The following SPON1 variants were observed in gnomAD, a reference collection of about 807,000 sequenced individuals.
The protein encoded by SPON1 is spondin-1.
A neutral mutation model predicts 111.7 loss-of-function variants in SPON1; 52 were observed. That is an observed-to-expected ratio of 0.47 (90% CI 0.37 to 0.59). SPON1 has a LOEUF of 0.59. SPON1 is among the 20% of genes least tolerant of loss of function. SPON1 has a pLI of 0.00. For missense variants in SPON1, 957 were observed against 1,068.5 expected (o/e 0.90, Z 1.46); for synonymous variants, 410 against 395.8 (o/e 1.04, Z -0.43).
At chr11:14,048,039 A>T (rs1848682291) in intron 3 of SPON1, among the ~76,000 whole-genome samples, 1 of 152,208 alleles carries the variant, frequency 6.6e-6, no homozygotes, top group Admixed American at 6.5e-5. Context: ...CAGGAGTTTG[A>T]GACCAGCCTG....
At chr11:13,967,059 G>C (rs1445316553) in intron 1 of SPON1, among the ~76,000 whole-genome samples, 1 of 152,196 alleles carries the variant, frequency 6.6e-6, no homozygotes, top group African/African-American at 2.4e-5. Context: ...GGAAGTTTCT[G>C]ATCGTTACTG....
chr11:14,108,481 G>A (rs569415482), intron 5 of SPON1, among the ~76,000 whole-genome samples: 2 of 152,268 alleles, frequency 1.3e-5, no homozygotes, highest in South Asian at 4.1e-4. Context: ...CATGTACCAA[G>A]TGGAGAGAGG....
chr11:14,210,644 C>T (rs1456632840), intron 6 of SPON1, among the ~76,000 whole-genome samples: 3 of 152,086 alleles, frequency 2.0e-5, no homozygotes, highest in Non-Finnish European at 2.9e-5. Flanking sequence ...GTGATCCACC[C>T]ACCTTGGCCT....
chr11:14,097,039 A>G (rs1333970702), intron 5 of SPON1, among the ~76,000 whole-genome samples: 2 of 152,108 alleles, frequency 1.3e-5, no homozygotes, highest in Non-Finnish European at 2.9e-5. Context: ...TCCCACTCAA[A>G]TGCTGCTTCC....
At chr11:14,255,559 G>A in intron 8 of SPON1, 88 bp from the exon 9 acceptor site, 2 of 1,209,764 alleles carry the variant, frequency 1.7e-6, no homozygotes, top group Non-Finnish European at 2.4e-6. Context: ...TCCTATCAAG[G>A]ACTTTGCTCT....
chr11:14,178,194 G>A (rs189172768), intron 6 of SPON1, among the ~76,000 whole-genome samples: 3 of 151,910 alleles, frequency 2.0e-5, no homozygotes, highest in East Asian at 1.9e-4. Flanking sequence ...AGGCTGAGGC[G>A]GGTGGATCAC....
At chr11:14,238,132 G>GCTT (rs1480820729) in intron 6 of SPON1, among the ~76,000 whole-genome samples, 1 of 152,218 alleles carries the variant, frequency 6.6e-6, no homozygotes, top group African/African-American at 2.4e-5. Context: ...TTAGCAAGAT[G>GCTT]CTTAGCACAT....
intron 5 of SPON1, among the ~76,000 whole-genome samples, chr11:14,105,064 T>C (rs1554924768): frequency 6.6e-6 from 1 of 152,180 alleles, no homozygotes; most frequent in Non-Finnish European, 1.5e-5. Flanking sequence ...TGATTTCAGT[T>C]ATTTTTAGTG....
At chr11:14,232,867 G>T (rs984649877) in intron 6 of SPON1, among the ~76,000 whole-genome samples, 1 of 152,152 alleles carries the variant, frequency 6.6e-6, no homozygotes, top group Non-Finnish European at 1.5e-5. Flanking sequence ...GGCCAGTGGG[G>T]CAGCGGCGGC....
chr11:14,244,453 G>A (rs1479671087), intron 7 of SPON1, among the ~76,000 whole-genome samples: 1 of 151,876 alleles, frequency 6.6e-6, no homozygotes, highest in Non-Finnish European at 1.5e-5. Flanking sequence ...GGTAATCAGA[G>A]GTTGCAGTGA....
At chr11:14,078,477 C>G (rs10832177) in intron 4 of SPON1, among the ~76,000 whole-genome samples, 39,200 of 151,914 alleles carry the variant, frequency 0.26, 6,074 homozygotes, top group South Asian at 0.41. Flanking sequence ...TTTAGCGCAT[C>G]TTTCTTCATT....
chr11:14,025,126 C>T (rs1554915187), intron 2 of SPON1, among the ~76,000 whole-genome samples: 1 of 152,110 alleles, frequency 6.6e-6, no homozygotes, highest in African/African-American at 2.4e-5. Flanking sequence ...TACCAAGCTC[C>T]TGTTCCATGT....
chr11:14,049,197 G>A (rs1319447203), intron 3 of SPON1, among the ~76,000 whole-genome samples: 1 of 152,158 alleles, frequency 6.6e-6, no homozygotes, highest in Non-Finnish European at 1.5e-5. Context: ...TGCCATCTCA[G>A]TCTGATGCCA....
At chr11:14,139,044 C>T (rs547633272) in intron 6 of SPON1, among the ~76,000 whole-genome samples, 7 of 152,262 alleles carry the variant, frequency 4.6e-5, no homozygotes, top group Admixed American at 2.6e-4. Context: ...TGCCACTCCC[C>T]CACTTAAAAT....
intron 6 of SPON1, among the ~76,000 whole-genome samples, chr11:14,199,265 A>G (rs7119081): frequency 0.41 from 61,900 of 151,902 alleles, 12,785 homozygotes; most frequent in East Asian, 0.55. Flanking sequence ...GGAAGTAACC[A>G]TATTCCTCCA....
chr11:14,139,890 A>G (rs1847633391), intron 6 of SPON1, among the ~76,000 whole-genome samples: 3 of 152,142 alleles, frequency 2.0e-5, no homozygotes, highest in African/African-American at 7.2e-5. Context: ...GATGCTAACA[A>G]CAGCACATGC....
chr11:14,141,029 C>CCCCCCCCCCCCCCCCCCCCCCCCCCCCCA (rs71041572), intron 6 of SPON1, among the ~76,000 whole-genome samples: 1 of 132,270 alleles, frequency 7.6e-6, no homozygotes, highest in Admixed American at 8.0e-5. Flanking sequence ...GTGCCCCCCC[C>CCCCCCCCCCCCCCCCCCCCCCCCCCCCCA]ATGCCCCACT....
At chr11:14,156,243 G>A (rs565344673) in intron 6 of SPON1, among the ~76,000 whole-genome samples, 10 of 146,902 alleles carry the variant, frequency 6.8e-5, no homozygotes, top group South Asian at 4.5e-4. Context: ...TCTGATGGCC[G>A]TGATGGTGAG....
At chr11:13,974,307 T>A (rs1055415541) in intron 1 of SPON1, among the ~76,000 whole-genome samples, 1 of 152,082 alleles carries the variant, frequency 6.6e-6, no homozygotes, top group African/African-American at 2.4e-5. Flanking sequence ...CAGTAACACA[T>A]AGCAGGTGGA....
Sources: gnomAD v4.1 joint callset for allele counts (sites outside exome capture counted in the v4.1 genomes callset) on GRCh38, gnomAD v4.1.1 for gene constraint, MANE v1.5 for transcripts, NCBI Gene and HGNC (gene_info 2026-07-23, HGNC 2026-07-21) for gene names.